Variants in SRRM3 observed in about 807,000 individuals in gnomAD.
The protein encoded by SRRM3 is serine/arginine repetitive matrix 3.
In SRRM3, 27 loss-of-function variants were observed where a neutral mutation model predicts 66.2. The ratio of observed to expected loss-of-function variants is 0.41; its 90% CI spans 0.30 to 0.56. The LOEUF (loss-of-function observed/expected upper bound fraction) is 0.56, where lower values mean the gene tolerates loss of function less well. Among genes scored for constraint, SRRM3 ranks in the 20% least tolerant of loss-of-function variants. SRRM3 has a pLI of 0.32. For missense variants in SRRM3, 918 were observed against 991.9 expected (o/e 0.93, Z 1.00); for synonymous variants, 391 against 414.9 (o/e 0.94, Z 0.70).
chr7:76,221,359 C>CTTTTTTTTTTTT lies in SRRM3; in HGVS notation c.-39-13659_-39-13648dup, dbSNP rs781915041. Among the ~76,000 whole-genome samples the CTTTTTTTTTTTT allele has an allele frequency of 6.1e-3, 580 of 95,330 alleles. 93 individuals carry two copies. Among genetic ancestry groups the CTTTTTTTTTTTT allele is most frequent in the African/African-American group, 0.028 (504 of 18,238 alleles). The allele number at this position is 95,330 out of a possible 152,430, so 62.5% of individuals were successfully genotyped here. ...TTTGAGCCACTGGGCCTGCCCTCCTCTTTTTTTTTTTTTTTTTTTTTGAGA... is the reference window on the plus strand; with the variant it reads ...TTTGAGCCACTGGGCCTGCCCTCCTCTTTTTTTTTTTTTTTTTTTTTTTTTTTTTTTTTGAGA... On this transcript the variant is annotated intron_variant, in intron 1 of 14. Transcript: ENST00000611745.
intron 1 of SRRM3, among the ~76,000 whole-genome samples, chr7:76,216,721 G>A (rs1273758147): frequency 6.6e-6 from 1 of 152,214 alleles, no homozygotes; most frequent in African/African-American, 2.4e-5. Context: ...TCTAGCTTGG[G>A]AGGGGATGAC....
intron 2 of SRRM3, among the ~76,000 whole-genome samples, chr7:76,240,677 CT>C (rs1456925338): frequency 6.6e-6 from 1 of 151,972 alleles, no homozygotes; most frequent in Non-Finnish European, 1.5e-5. Flanking sequence ...TCAGTGTCCC[CT>C]CACCCTACTC....
At chr7:76,260,775 TCC>T (rs1341347976) in intron 5 of SRRM3, 97 bp from the exon 6 acceptor site, 12 of 1,198,284 alleles carry the variant, frequency 1.0e-5, no homozygotes, top group South Asian at 6.9e-5. Context: ...AATCTCTCTG[TCC>T]ACCCTCCCCT....
In SRRM3 at chr7:76,259,931, G is replaced by A. The variant is rs1324935628; in HGVS notation, c.361G>A (p.Glu121Lys). Residue 121 changes from glutamate (E) to lysine (K), a missense_variant, in exon 4 of 15, where the codon GAG becomes AAG. Glu to Lys is a moderately conservative substitution (Grantham distance 56). Transcript: ENST00000611745. ...TGTGGCGGAGACCCCGCGGCTGACC[G>A]AGGGCGCTGAGCCGGGCCTGGAGTA... ...HIVAETPRLTEGAEPGLEYAP... is the reference protein window; with the variant it reads ...HIVAETPRLTKGAEPGLEYAP... 6 of 1,601,788 alleles carry A rather than the reference G, an allele frequency of 3.7e-6. No individual in the cohort carries two copies. The highest frequency in any genetic ancestry group is 1.7e-5 in the Admixed American group (1 of 59,958).
chr7:76,282,072 CCCCATGGATCCT>C (rs1331816921), intron 12 of SRRM3, among the ~76,000 whole-genome samples: 2 of 145,590 alleles, frequency 1.4e-5, no homozygotes, highest in Non-Finnish European at 3.0e-5. Context: ...CCCCTATGGA[CCCCATGGATCCT>C]CCCATGGATT....
chr7:76,206,793 C>T (rs1313320626), intron 1 of SRRM3, among the ~76,000 whole-genome samples: 1 of 152,012 alleles, frequency 6.6e-6, no homozygotes, highest in Non-Finnish European at 1.5e-5. Flanking sequence ...GCTTCCTCGG[C>T]AGCCAGCCTG....
chr7:76,214,153 C>T (rs1326180254), intron 1 of SRRM3, among the ~76,000 whole-genome samples: 3 of 152,102 alleles, frequency 2.0e-5, no homozygotes, highest in Non-Finnish European at 2.9e-5. Flanking sequence ...GTGGTTCACC[C>T]TGTCCCACAG....
chr7:76,275,415 G>C (rs1010358672), intron 11 of SRRM3, among the ~76,000 whole-genome samples: 1 of 150,626 alleles, frequency 6.6e-6, no homozygotes, highest in Non-Finnish European at 1.5e-5. Flanking sequence ...CTTGAGCCCA[G>C]GAATTTGAGG....
intron 9 of SRRM3, 71 bp downstream of exon 9, chr7:76,264,886 A>T (rs1583925049): frequency 6.6e-7 from 1 of 1,507,012 alleles, no homozygotes; most frequent in East Asian, 2.3e-5. Flanking sequence ...CGCCTTTTAG[A>T]ATCACAGAAT....
intron 3 of SRRM3, among the ~76,000 whole-genome samples, chr7:76,251,375 A>C (rs1296047783): frequency 2.1e-5 from 3 of 146,276 alleles, no homozygotes; most frequent in Admixed American, 2.0e-4. Flanking sequence ...TCCCAGCAGC[A>C]CTTTTTTTTT....
intron 2 of SRRM3, among the ~76,000 whole-genome samples, chr7:76,240,413 G>A (rs1309174972): frequency 2.6e-5 from 4 of 152,046 alleles, no homozygotes; most frequent in African/African-American, 9.7e-5. Context: ...GAGGTCAGGA[G>A]ATCGAGGCCA....
At chr7:76,208,384 C>T (rs1554601351) in intron 1 of SRRM3, among the ~76,000 whole-genome samples, 2 of 151,558 alleles carry the variant, frequency 1.3e-5, no homozygotes, top group Admixed American at 6.6e-5. Flanking sequence ...GAAAGCACCC[C>T]GGAGCCAGGT....
chr7:76,225,099 G>A (rs578108838), intron 1 of SRRM3, among the ~76,000 whole-genome samples: 2 of 152,208 alleles, frequency 1.3e-5, no homozygotes, highest in African/African-American at 4.8e-5. Flanking sequence ...CAGCCTGACC[G>A]AATCCCAACA....
intron 2 of SRRM3, among the ~76,000 whole-genome samples, chr7:76,242,428 T>G (rs1268364938): frequency 6.6e-6 from 1 of 151,084 alleles, no homozygotes; most frequent in Non-Finnish European, 1.5e-5. Flanking sequence ...GAGGTTGTGG[T>G]GAGCCGAGAT....
At chr7:76,260,508 A>T (rs1372220271) in intron 5 of SRRM3, among the ~76,000 whole-genome samples, 1 of 68,000 alleles carries the variant, frequency 1.5e-5, no homozygotes, top group Non-Finnish European at 3.0e-5. Flanking sequence ...CTTCTCTAGG[A>T]CCCGCCCCTC....
chr7:76,260,707 G>T (rs1801842266), intron 5 of SRRM3, among the ~76,000 whole-genome samples, 167 bp from the exon 6 acceptor site: 1 of 151,982 alleles, frequency 6.6e-6, no homozygotes, highest in Non-Finnish European at 1.5e-5. Context: ...GGGGTCCCGT[G>T]CCCACCAACA....
chr7:76,272,143 G>A (rs1802230405), intron 11 of SRRM3, among the ~76,000 whole-genome samples: 1 of 152,134 alleles, frequency 6.6e-6, no homozygotes. Flanking sequence ...AGCACAACCT[G>A]GTGCTAGGCT....
At chr7:76,271,745 C>T (rs1257764325) in intron 11 of SRRM3, among the ~76,000 whole-genome samples, 2 of 152,196 alleles carry the variant, frequency 1.3e-5, no homozygotes, top group Non-Finnish European at 2.9e-5. Flanking sequence ...GAAGCACAGT[C>T]CACGAGCCCT....
intron 11 of SRRM3, 187 bp downstream of exon 11, chr7:76,267,622 T>G: frequency 2.1e-6 from 1 of 475,734 alleles, no homozygotes; most frequent in Non-Finnish European, 3.4e-6. Flanking sequence ...TGCTAGGCCG[T>G]TGCGCCCACC....
Sources: allele counts gnomAD v4.1 joint callset (sites outside exome capture counted in the v4.1 genomes callset), GRCh38; gene constraint gnomAD v4.1.1; transcripts MANE v1.5; gene names NCBI Gene and HGNC (gene_info 2026-07-23, HGNC 2026-07-21).